SOX6: variants seen among roughly 807,000 people sequenced by gnomAD.
SOX6 encodes the protein SRY-box transcription factor 6.
Under a neutral mutation model 97.8 loss-of-function variants are expected in SOX6, and 11 were observed. The observed-to-expected ratio is 0.11, with a 90% CI of 0.07 to 0.19. SOX6 has a LOEUF of 0.19. Among genes scored for constraint, SOX6 ranks in the 10% least tolerant of loss-of-function variants. The probability of loss-of-function intolerance (pLI) is 1.00; values close to 1 mark genes in which losing one functional copy is unlikely to be tolerated. For missense variants in SOX6, 810 were observed against 1,039.5 expected, an observed-to-expected ratio of 0.78 and a Z score of 3.04; for synonymous variants, 360 against 371.4, an observed-to-expected ratio of 0.97 and a Z score of 0.35.
intron 1 of SOX6, among the ~76,000 whole-genome samples, chr11:16,392,109 T>G (rs1858203073): frequency 6.6e-6 from 1 of 152,052 alleles, no homozygotes; most frequent in Non-Finnish European, 1.5e-5. Context: ...AAGCAATATG[T>G]GTAAAAGGGG....
chr11:15,977,515 T>C (rs1054666015), intron 15 of SOX6, among the ~76,000 whole-genome samples: 4 of 151,826 alleles, frequency 2.6e-5, no homozygotes, highest in African/African-American at 9.7e-5. Context: ...TACTTGAGCC[T>C]CTCCCTGCTT....
Position 16,228,502 on chromosome 11 carries a change from G to A in SOX6, c.535+6080C>T, listed in dbSNP as rs577150730. Among the ~76,000 whole-genome samples the A allele has an allele frequency of 7.2e-5, 11 of 152,074 alleles. No homozygotes were observed. The East Asian group carries it at 2.1e-3, about 29-fold the overall frequency. ...AATATTATGAATGGTGGTTAACAGGGGTAGGAGAGAGAGAGGAATAGGGAG... is the reference window on the plus strand; with the variant it reads ...AATATTATGAATGGTGGTTAACAGGAGTAGGAGAGAGAGAGGAATAGGGAG... On this transcript the variant is annotated intron_variant, in intron 4 of 15. Coordinates refer to ENST00000683767, the MANE Select transcript of SOX6 (RefSeq NM_001367873.1).
intron 4 of SOX6, among the ~76,000 whole-genome samples, chr11:16,482,435 C>A (rs1372400519): frequency 6.6e-6 from 1 of 152,126 alleles, no homozygotes. Flanking sequence ...ATATCCACCA[C>A]CCTATCTTAT....
intron 3 of SOX6, among the ~76,000 whole-genome samples, chr11:16,630,197 T>A (rs905827700): frequency 1.3e-5 from 2 of 152,232 alleles, no homozygotes; most frequent in South Asian, 4.1e-4. Context: ...TAATTTGATA[T>A]CTTGCTAACT....
At chr11:16,734,027 A>G (rs1265320098) in intron 2 of SOX6, among the ~76,000 whole-genome samples, 1 of 122,890 alleles carries the variant, frequency 8.1e-6, no homozygotes, top group Non-Finnish European at 1.8e-5. Flanking sequence ...ACTTTGTCTC[A>G]AAAAAAAAAA....
At chr11:15,980,173 G>C (rs1257453545) in intron 15 of SOX6, among the ~76,000 whole-genome samples, 1 of 152,028 alleles carries the variant, frequency 6.6e-6, no homozygotes, top group Admixed American at 6.6e-5. Flanking sequence ...ATAAAGGGGA[G>C]ATTTGTTCTA....
intron 1 of SOX6, among the ~76,000 whole-genome samples, chr11:16,379,952 A>G (rs1406017323): frequency 6.6e-6 from 1 of 151,938 alleles, no homozygotes; most frequent in Non-Finnish European, 1.5e-5. Context: ...TAAATGATAT[A>G]CCATTAAATT....
rs186380056 is a variant in SOX6 at position 16,678,292 on chromosome 11, A to G, written n.429+36538T>C. Among the ~76,000 whole-genome samples the G allele has an allele frequency of 1.6e-4, 24 of 152,298 alleles. No individual in the cohort carries two copies. In the South Asian group the frequency reaches 1.7e-3, roughly 11 times the overall value. ...CTAATGCAGGTTTTCAGTCATATAA[A>G]CTTCCCTATAGGGACTAATTGAACA... On this transcript the variant is annotated intron_variant and non_coding_transcript_variant, in intron 3 of 5. Transcript: ENST00000524520.
At chr11:16,012,920 A>G (rs1350397983) in intron 13 of SOX6, among the ~76,000 whole-genome samples, 1 of 152,046 alleles carries the variant, frequency 6.6e-6, no homozygotes, top group East Asian at 1.9e-4. Context: ...ACAGCCAGGG[A>G]AATTGGTTTC....
Position 16,524,014 on chromosome 11 carries a change from A to T in SOX6, n.610-47626T>A, listed in dbSNP as rs575753169. On this transcript the variant is annotated intron_variant and non_coding_transcript_variant, in intron 4 of 5. Coordinates refer to the SOX6 transcript ENST00000524520. ...CAATAGCTTACCAACCAAAAGAGGG[A>T]CCAGATGGATTCACAGCTGAATTCT... Among the ~76,000 whole-genome samples the T allele has an allele frequency of 1.9e-3, 283 of 151,668 alleles. 1 individual carries two copies. Among genetic ancestry groups the T allele is most frequent in the Middle Eastern group, 0.01 (3 of 294 alleles).
chr11:16,456,119 G>C (rs1446905963), intron 1 of SOX6, among the ~76,000 whole-genome samples: 5 of 152,050 alleles, frequency 3.3e-5, no homozygotes, highest in Admixed American at 6.6e-5. Flanking sequence ...TATGAACCTT[G>C]TATGTCTTAG....
At chr11:16,631,048 C>T (rs1259196056) in intron 3 of SOX6, among the ~76,000 whole-genome samples, 1 of 151,296 alleles carries the variant, frequency 6.6e-6, no homozygotes, top group African/African-American at 2.4e-5. Flanking sequence ...ACTTTCCACT[C>T]TGTGCCTTTT....
chr11:15,991,763 T>C (rs1211301626), intron 13 of SOX6, among the ~76,000 whole-genome samples: 1 of 152,184 alleles, frequency 6.6e-6, no homozygotes, highest in Non-Finnish European at 1.5e-5. Context: ...ACAGAGATCA[T>C]AGTGGATTTT....
chr11:16,559,222 G>C (rs1381611943), intron 4 of SOX6, among the ~76,000 whole-genome samples: 1 of 152,034 alleles, frequency 6.6e-6, no homozygotes. Flanking sequence ...CTTTTCACTA[G>C]TATCATAATG....
intron 3 of SOX6, among the ~76,000 whole-genome samples, chr11:16,254,352 A>G (rs982642848): frequency 1.3e-5 from 2 of 152,116 alleles, no homozygotes. Context: ...GCATCAATGT[A>G]CTTGATTACA....
chr11:16,253,025 G>A (rs1373894971), intron 3 of SOX6, among the ~76,000 whole-genome samples: 1 of 152,010 alleles, frequency 6.6e-6, no homozygotes, highest in Admixed American at 6.6e-5. Context: ...AAAATTATAA[G>A]ACATACCAAA....
At chr11:16,638,757 G>C (rs965271022) in intron 3 of SOX6, among the ~76,000 whole-genome samples, 3 of 152,126 alleles carry the variant, frequency 2.0e-5, no homozygotes, top group African/African-American at 7.2e-5. Context: ...CCCACTTGTT[G>C]ATGAGGTTGT....
At chr11:16,017,743 T>A (rs1469106263) in intron 12 of SOX6, among the ~76,000 whole-genome samples, 1 of 152,078 alleles carries the variant, frequency 6.6e-6, no homozygotes, top group Non-Finnish European at 1.5e-5. Context: ...TCATTAAGCA[T>A]CCATGAGCAT....
At chr11:15,984,352 T>C (rs1590108272) in intron 15 of SOX6, among the ~76,000 whole-genome samples, 1 of 152,166 alleles carries the variant, frequency 6.6e-6, no homozygotes, top group Admixed American at 6.5e-5. Flanking sequence ...GCACCTTTAG[T>C]AGCCTTCCAG....
Sources: gnomAD v4.1 joint callset for allele counts (sites outside exome capture counted in the v4.1 genomes callset) on GRCh38, gnomAD v4.1.1 for gene constraint, MANE v1.5 for transcripts, NCBI Gene and HGNC (gene_info 2026-07-23, HGNC 2026-07-21) for gene names.